GPC6: variants seen among roughly 807,000 people sequenced by gnomAD.
GPC6 encodes the protein glypican 6, also known as glypican-6.
GPC6 carries 14 observed loss-of-function variants against 55.2 expected under a neutral mutation model. The observed-to-expected ratio is 0.25, with a 90% CI of 0.17 to 0.40. GPC6 has a LOEUF of 0.40. Among genes scored for constraint, GPC6 ranks in the 10% least tolerant of loss-of-function variants. The pLI, the probability that GPC6 is intolerant of heterozygous loss-of-function variation, is 1.00. For synonymous variants in GPC6, 278 were observed against 259.6 expected, an observed-to-expected ratio of 1.07 and a Z score of -0.68; for missense variants, 641 against 708.5, an observed-to-expected ratio of 0.90 and a Z score of 1.08.
chr13:93,824,936 A>G (rs1434017229), intron 2 of GPC6, among the ~76,000 whole-genome samples: 1 of 152,188 alleles, frequency 6.6e-6, no homozygotes, highest in Non-Finnish European at 1.5e-5. Context: ...AAATGGGAGT[A>G]TTGACTACCG....
At position 93,693,842 on chromosome 13, in the gene GPC6, G is replaced by A. The variant is rs370960364; in HGVS notation, c.320-136312G>A. On this transcript the variant is annotated intron_variant, in intron 2 of 8. Coordinates refer to ENST00000377047, the MANE Select transcript of GPC6 (RefSeq NM_005708.5). Reference sequence around the variant, plus strand: ...TTTATAGTTTAAGAAGCAGAGCTTAGGAGTACTGAGAATTATGCCAATTTT... The same window carrying A: ...TTTATAGTTTAAGAAGCAGAGCTTAAGAGTACTGAGAATTATGCCAATTTT... 5.9e-5 allele frequency among the ~76,000 whole-genome samples: 9 copies of A among 152,190 alleles called. No homozygotes were observed. In the East Asian group the frequency reaches 1.7e-3, roughly 29 times the overall value.
intron 1 of GPC6, among the ~76,000 whole-genome samples, chr13:93,410,615 C>T (rs1323982): frequency 0.11 from 17,431 of 152,092 alleles, 1,069 homozygotes; most frequent in South Asian, 0.14. Context: ...AGTCAATTTT[C>T]TTTTTCGTTT....
At chr13:93,953,125 G>C (rs757676774) in intron 3 of GPC6, among the ~76,000 whole-genome samples, 2 of 151,714 alleles carry the variant, frequency 1.3e-5, no homozygotes, top group Non-Finnish European at 2.9e-5. Flanking sequence ...CTCTGTCTGT[G>C]CCACCTTCCC....
At chr13:93,721,408 A>T (rs188164588) in intron 2 of GPC6, among the ~76,000 whole-genome samples, 10 of 151,928 alleles carry the variant, frequency 6.6e-5, no homozygotes, top group Non-Finnish European at 8.8e-5. Context: ...TGATTAAAGT[A>T]AAACTAAGAG....
At chr13:94,268,579 G>A (rs1891886496) in intron 4 of GPC6, among the ~76,000 whole-genome samples, 2 of 152,132 alleles carry the variant, frequency 1.3e-5, no homozygotes, top group African/African-American at 4.8e-5. Flanking sequence ...AGATAGGAAG[G>A]CACTGTAAAT....
At chr13:93,972,664 G>T (rs755326347) in intron 3 of GPC6, among the ~76,000 whole-genome samples, 1 of 152,102 alleles carries the variant, frequency 6.6e-6, no homozygotes, top group African/African-American at 2.4e-5. Context: ...AATAAAAATA[G>T]ATTTTAAGAG....
chr13:93,339,914 A>G (rs1036896353), intron 1 of GPC6, among the ~76,000 whole-genome samples: 1 of 152,302 alleles, frequency 6.6e-6, no homozygotes, highest in South Asian at 2.1e-4. Flanking sequence ...TACCTGTGGG[A>G]AAACTAGAAT....
chr13:93,644,562 A>G (rs1880091897), intron 2 of GPC6, among the ~76,000 whole-genome samples: 1 of 152,072 alleles, frequency 6.6e-6, no homozygotes, highest in Non-Finnish European at 1.5e-5. Flanking sequence ...TCACTGCTTC[A>G]TTAAAATAAA....
intron 4 of GPC6, among the ~76,000 whole-genome samples, chr13:94,218,126 T>C (rs1890276311): frequency 6.6e-6 from 1 of 152,192 alleles, no homozygotes; most frequent in Non-Finnish European, 1.5e-5. Flanking sequence ...CTGAGATTCC[T>C]GAAACTGCTA....
intron 3 of GPC6, among the ~76,000 whole-genome samples, chr13:93,950,870 A>G (rs1051138100): frequency 1.3e-5 from 2 of 152,096 alleles, no homozygotes; most frequent in African/African-American, 4.8e-5. Flanking sequence ...CTAAAAAGCA[A>G]TTTGTGCCTT....
At chr13:93,353,040 A>G (rs17300157) in intron 1 of GPC6, among the ~76,000 whole-genome samples, 22,201 of 152,088 alleles carry the variant, frequency 0.15, 1,870 homozygotes, top group East Asian at 0.42. Context: ...CCAAGGTGTT[A>G]ACAAGTGGTG....
intron 2 of GPC6, among the ~76,000 whole-genome samples, chr13:93,588,126 A>C (rs1355678560): frequency 2.0e-5 from 3 of 152,214 alleles, no homozygotes; most frequent in Non-Finnish European, 4.4e-5. Context: ...ATTGTTTCAC[A>C]TTATGGTATG....
intron 4 of GPC6, among the ~76,000 whole-genome samples, chr13:94,031,064 A>C (rs114457780): frequency 1.3e-5 from 2 of 148,342 alleles, no homozygotes; most frequent in Non-Finnish European, 3.0e-5. Flanking sequence ...GTGCGTGTGC[A>C]TGTGCGTGTG....
intron 2 of GPC6, among the ~76,000 whole-genome samples, chr13:93,811,548 G>A (rs182858946): frequency 7.9e-5 from 12 of 151,748 alleles, no homozygotes; most frequent in Non-Finnish European, 1.5e-4. Context: ...GACAAGGCTT[G>A]GCTTACGTAG....
intron 2 of GPC6, among the ~76,000 whole-genome samples, chr13:93,639,868 G>C (rs2139583768): frequency 6.6e-6 from 1 of 152,168 alleles, no homozygotes; most frequent in African/African-American, 2.4e-5. Context: ...TAGCATTACT[G>C]TAATTATAAA....
At chr13:94,241,861 AC>A (rs1397283823) in intron 4 of GPC6, among the ~76,000 whole-genome samples, 3 of 151,792 alleles carry the variant, frequency 2.0e-5, no homozygotes, top group Non-Finnish European at 4.4e-5. Flanking sequence ...TAATTTCCTG[AC>A]CCCTAAGTCT....
At chr13:94,185,654 A>G (rs1396669814) in intron 4 of GPC6, among the ~76,000 whole-genome samples, 1 of 152,142 alleles carries the variant, frequency 6.6e-6, no homozygotes, top group Non-Finnish European at 1.5e-5. Flanking sequence ...CATTAGATGC[A>G]GTCTATGAGG....
chr13:94,400,845 C>T (rs73553857), intron 8 of GPC6, among the ~76,000 whole-genome samples: 2,935 of 152,252 alleles, frequency 0.019, 114 homozygotes, highest in African/African-American at 0.068. Context: ...GTTTCCTGAG[C>T]CCTTCCAGGA....
chr13:93,228,418 C>T (rs1350211374), intron 1 of GPC6, among the ~76,000 whole-genome samples: 3 of 152,208 alleles, frequency 2.0e-5, no homozygotes, highest in African/African-American at 4.8e-5. Flanking sequence ...GGATTCGGGT[C>T]CGGGTTCGGG....
Sources: allele counts gnomAD v4.1 joint callset (sites outside exome capture counted in the v4.1 genomes callset), GRCh38; gene constraint gnomAD v4.1.1; transcripts MANE v1.5; gene names NCBI Gene and HGNC (gene_info 2026-07-23, HGNC 2026-07-21).